Variants in CTNNAL1 observed in about 807,000 individuals in gnomAD.
CTNNAL1 encodes alpha-catulin.
CTNNAL1 carries 69 observed loss-of-function variants against 93.6 expected under a neutral mutation model. The ratio of observed to expected loss-of-function variants is 0.74; its 90% CI spans 0.61 to 0.90. The LOEUF (loss-of-function observed/expected upper bound fraction) is 0.90. Ranked by LOEUF, CTNNAL1 falls within the 40% of genes least tolerant of loss-of-function variation. The probability of loss-of-function intolerance (pLI) is 0.00; values close to 1 mark genes in which losing one functional copy is unlikely to be tolerated. For missense variants in CTNNAL1, 836 were observed against 862.0 expected (o/e 0.97, Z 0.38); for synonymous variants, 286 against 305.4 (o/e 0.94, Z 0.66).
intron 8 of CTNNAL1, 31 bp from the exon 9 acceptor site, chr9:108,972,864 G>GGGGGGGGTCCCCC: frequency 7.0e-6 from 1 of 142,588 alleles, no homozygotes; most frequent in Non-Finnish European, 1.0e-5. Flanking sequence ...GGGGGGGTGG[G>GGGGGGGGTCCCCC]AGGGTGGAGA....
chr9:108,997,729 T>G (rs1254232357), intron 2 of CTNNAL1, among the ~76,000 whole-genome samples: 1 of 152,118 alleles, frequency 6.6e-6, no homozygotes, highest in African/African-American at 2.4e-5. Flanking sequence ...TATCCCTGGC[T>G]CTTCTATCAC....
intron 8 of CTNNAL1, among the ~76,000 whole-genome samples, chr9:108,973,882 T>C (rs1032330923): frequency 6.6e-6 from 1 of 152,198 alleles, no homozygotes; most frequent in African/African-American, 2.4e-5. Flanking sequence ...ACCCTCTGCA[T>C]TCATGCAACT....
chr9:108,948,082 G>T, intron 15 of CTNNAL1, 104 bp downstream of exon 15: 1 of 1,289,076 alleles, frequency 7.8e-7, no homozygotes, highest in Non-Finnish European at 1.1e-6. Flanking sequence ...GGTAGGTACA[G>T]ATGTAAGCAT....
chr9:108,984,390 G>A lies in CTNNAL1; in HGVS notation c.686C>T (p.Ala229Val). 1.2e-6 allele frequency: 2 copies of A among 1,612,204 alleles called. No homozygotes were observed. The highest frequency in any genetic ancestry group is 1.7e-6 in the Non-Finnish European group (2 of 1,178,622). ...KKKAKMAAAR[A>V]VLEKCTMMLL... ...CATCATTGTACACTTTTCAAGAACT[G>A]CCCTAGCTGCTGCCATTTTTGCCTT... Residue 229 changes from alanine to valine, a missense_variant, in exon 5 of 19, where the codon GCA becomes GTA. Physicochemically the swap from Ala to Val is moderately conservative, Grantham distance 64 (BLOSUM62 0). Coordinates refer to ENST00000325551, the MANE Select transcript of CTNNAL1 (RefSeq NM_003798.4).
chr9:108,954,452 AAT>A (rs1447334872), intron 12 of CTNNAL1, among the ~76,000 whole-genome samples: 1 of 152,220 alleles, frequency 6.6e-6, no homozygotes, highest in African/African-American at 2.4e-5. Flanking sequence ...TGCCTTTTCT[AAT>A]TCTCAAAAAA....
At chr9:108,997,585 C>T (rs1832069843) in intron 2 of CTNNAL1, among the ~76,000 whole-genome samples, 1 of 152,096 alleles carries the variant, frequency 6.6e-6, no homozygotes, top group African/African-American at 2.4e-5. Context: ...ATGATCTTGT[C>T]CACCCCTCTA....
At chr9:108,966,488 C>T (rs1236024877) in intron 10 of CTNNAL1, among the ~76,000 whole-genome samples, 1 of 152,202 alleles carries the variant, frequency 6.6e-6, no homozygotes, top group African/African-American at 2.4e-5. Flanking sequence ...CCAAACCTCC[C>T]TCGTGCCCCT....
chr9:108,986,177 C>T (rs570055443), intron 4 of CTNNAL1, among the ~76,000 whole-genome samples: 2 of 147,634 alleles, frequency 1.4e-5, no homozygotes, highest in Non-Finnish European at 3.0e-5. Flanking sequence ...TCCCTCCCCC[C>T]TCCCCGCACC....
chr9:108,945,640 T>G lies in CTNNAL1; in HGVS notation c.1885-1622A>C, dbSNP rs946336523. On this transcript the variant is annotated intron_variant, in intron 15 of 18. Transcript: ENST00000325551. ...CCATGCCCCGCTAGTTTTTTTTTTT[T>G]TTGTTTTGTTTTTTTGTAGAGACAA... Among the ~76,000 whole-genome samples the G allele has an allele frequency of 9.6e-4, 137 of 143,238 alleles. 1 individual carries two copies. The highest frequency in any genetic ancestry group is 8.7e-3 in the Admixed American group (117 of 13,478). 94.0% of individuals were successfully genotyped at this position (143,238 alleles called of 152,430 possible).
intron 1 of CTNNAL1, among the ~76,000 whole-genome samples, chr9:109,009,526 T>C (rs1827146289): frequency 6.6e-6 from 1 of 151,980 alleles, no homozygotes; most frequent in South Asian, 2.1e-4. Flanking sequence ...GGATCTGTTC[T>C]AGGGTTTTCT....
chr9:108,957,414 C>T (rs796302503), intron 11 of CTNNAL1, among the ~76,000 whole-genome samples: 6 of 135,886 alleles, frequency 4.4e-5, no homozygotes, highest in African/African-American at 1.9e-4. Context: ...GCCACTGTGC[C>T]TAGCCTAGGA....
At chr9:108,972,864 G>GGGGGGAAA in intron 8 of CTNNAL1, 31 bp from the exon 9 acceptor site, 1 of 142,590 alleles carries the variant, frequency 7.0e-6, no homozygotes. Flanking sequence ...GGGGGGGTGG[G>GGGGGGAAA]AGGGTGGAGA....
intron 1 of CTNNAL1, among the ~76,000 whole-genome samples, chr9:108,999,789 T>C (rs894874078): frequency 2.6e-5 from 4 of 152,218 alleles, no homozygotes; most frequent in Admixed American, 1.3e-4. Flanking sequence ...TTGCTAAGTT[T>C]TGTTGCATCC....
chr9:108,971,457 C>T (rs991216716), intron 9 of CTNNAL1, among the ~76,000 whole-genome samples: 1 of 152,192 alleles, frequency 6.6e-6, no homozygotes, highest in Non-Finnish European at 1.5e-5. Flanking sequence ...ATAATCCCCG[C>T]ATGTCAAAGG....
chr9:108,982,514 C>A (rs916833676), intron 6 of CTNNAL1, among the ~76,000 whole-genome samples: 3 of 152,106 alleles, frequency 2.0e-5, no homozygotes, highest in African/African-American at 7.2e-5. Context: ...TGGTACTGCT[C>A]AAAAAGATAT....
At chr9:108,946,655 G>A (rs1830412431) in intron 15 of CTNNAL1, among the ~76,000 whole-genome samples, 1 of 152,144 alleles carries the variant, frequency 6.6e-6, no homozygotes. Flanking sequence ...TCTGCCATTA[G>A]AACATAAGCT....
In CTNNAL1 at chr9:108,944,618, A is replaced by C. The variant is rs373067084; in HGVS notation, c.1885-600T>G. Among the ~76,000 whole-genome samples the C allele has an allele frequency of 1.8e-4, 27 of 152,332 alleles. No homozygotes were observed. In the East Asian group the frequency reaches 4.8e-3, roughly 27 times the overall value. Reference sequence around the variant, plus strand: ...AGTGAAAAAGAAGGTTGTACAGGTAAGACAGAAGTATTTAGCATATTATGT... The same window carrying C: ...AGTGAAAAAGAAGGTTGTACAGGTACGACAGAAGTATTTAGCATATTATGT... On this transcript the variant is annotated intron_variant, in intron 15 of 18. Transcript: ENST00000325551.
chr9:108,992,725 T>C lies in CTNNAL1; in HGVS notation c.426A>G (p.Ile142Met), dbSNP rs537912494. Residue 142 changes from isoleucine (I) to methionine (M), a missense_variant, in exon 3 of 19, where the codon ATA becomes ATG. Ile to Met is a conservative substitution (Grantham distance 10). Coordinates refer to ENST00000325551, the MANE Select transcript of CTNNAL1 (RefSeq NM_003798.4). ...AAGAAAGAAGTAATCTTGCAGCCTT[T>C]ATCACTCCTGTTTTGTCTGTAAAAA... ...ITIFTDKTGV[I>M]KAARLLLSSV... The C allele has an allele frequency of 6.2e-7, 1 of 1,614,112 alleles. No individual in the cohort carries two copies. Among genetic ancestry groups the C allele is most frequent in the East Asian group, 2.2e-5 (1 of 44,876 alleles).
chr9:108,957,767 T>C (rs999734694), intron 11 of CTNNAL1, among the ~76,000 whole-genome samples: 3 of 152,176 alleles, frequency 2.0e-5, no homozygotes, highest in African/African-American at 7.2e-5. Flanking sequence ...AAAGTCTGAA[T>C]CCTGTCCATA....
Sources: allele counts gnomAD v4.1 joint callset (sites outside exome capture counted in the v4.1 genomes callset), GRCh38; gene constraint gnomAD v4.1.1; transcripts MANE v1.5; gene names NCBI Gene and HGNC (gene_info 2026-07-23, HGNC 2026-07-21).